Variants in FAM227B observed in about 807,000 individuals in gnomAD.
FAM227B encodes family with sequence similarity 227 member B.
FAM227B carries 88 observed loss-of-function variants against 73.8 expected under a neutral mutation model. That is an observed-to-expected ratio of 1.19 (90% CI 1.00 to 1.42). The LOEUF (loss-of-function observed/expected upper bound fraction) is 1.42, where lower values mean the gene tolerates loss of function less well. FAM227B is among the 40% of genes most tolerant of loss of function. The pLI, the probability that FAM227B is intolerant of heterozygous loss-of-function variation, is 0.00. For missense variants in FAM227B, 632 were observed against 590.9 expected, an observed-to-expected ratio of 1.07 and a Z score of -0.72; for synonymous variants, 210 against 190.5, an observed-to-expected ratio of 1.10 and a Z score of -0.84.
chr15:49,613,183 T>G (rs36106985), intron 2 of FAM227B, among the ~76,000 whole-genome samples: 16,363 of 151,562 alleles, frequency 0.11, 1,241 homozygotes, highest in East Asian at 0.36. Flanking sequence ...AGAGCCAATC[T>G]CCATAAAAAA....
chr15:49,554,163 A>G (rs1362488855), intron 9 of FAM227B, among the ~76,000 whole-genome samples: 1 of 152,004 alleles, frequency 6.6e-6, no homozygotes, highest in Non-Finnish European at 1.5e-5. Flanking sequence ...TTGAGCTGGT[A>G]TCCAAGATGC....
At chr15:49,452,530 T>A (rs2052855666) in intron 11 of FAM227B, among the ~76,000 whole-genome samples, 1 of 152,172 alleles carries the variant, frequency 6.6e-6, no homozygotes, top group Non-Finnish European at 1.5e-5. Flanking sequence ...CATAAAAAGA[T>A]CTATGCAGAT....
rs768555380 is a variant in FAM227B, at chr15:49,367,563, T to A, written c.1156A>T (p.Asn386Tyr). ...TGPEFNRVLF[N>Y]FGGQSPLILY... ...ATCAATGGACTCTGACCTCCAAAATTGAAGAGAACACGATTAAACTCTGGA... is the reference window on the plus strand; with the variant it reads ...ATCAATGGACTCTGACCTCCAAAATAGAAGAGAACACGATTAAACTCTGGA... Residue 386 changes from asparagine to tyrosine, a missense_variant, in exon 13 of 16, where the codon AAT (asparagine) becomes TAT (tyrosine). Coordinates refer to ENST00000299338, the MANE Select transcript of FAM227B (RefSeq NM_152647.3). The A allele has an allele frequency of 1.9e-6, 3 of 1,603,870 alleles. No individual in the cohort carries two copies. Among genetic ancestry groups the A allele is most frequent in the African/African-American group, 1.3e-5 (1 of 74,216 alleles).
intron 10 of FAM227B, among the ~76,000 whole-genome samples, chr15:49,513,073 A>C (rs1804495113): frequency 6.6e-6 from 1 of 152,160 alleles, no homozygotes; most frequent in Non-Finnish European, 1.5e-5. Flanking sequence ...ATACATGTGC[A>C]TGTATCTTTA....
At chr15:49,532,815 A>C (rs1407689743) in intron 10 of FAM227B, among the ~76,000 whole-genome samples, 2 of 152,100 alleles carry the variant, frequency 1.3e-5, no homozygotes, top group African/African-American at 4.8e-5. Context: ...AAGTTAAATA[A>C]GAAGAAAAAA....
In FAM227B at chr15:49,574,419, G is replaced by A. The variant is rs769314552; in HGVS notation, c.645+592C>T. On this transcript the variant is annotated intron_variant, in intron 8 of 15. Transcript: ENST00000299338. ...GAGTGGTTTCCCCCACGATGTTCTC[G>A]TAATAGTCAGTGAGTTCTCATGAGA... Among the ~76,000 whole-genome samples, 8 of 152,196 alleles carry A rather than the reference G, an allele frequency of 5.3e-5. No homozygotes were observed. In the South Asian group the frequency reaches 6.2e-4, roughly 12 times the overall value.
At chr15:49,601,909 G>T (rs913354564) in intron 3 of FAM227B, among the ~76,000 whole-genome samples, 1 of 152,090 alleles carries the variant, frequency 6.6e-6, no homozygotes. Context: ...GTCTTTCTGT[G>T]CCTGGCTTAT....
At chr15:49,467,695 C>T (rs1294793650) in intron 11 of FAM227B, among the ~76,000 whole-genome samples, 1 of 152,112 alleles carries the variant, frequency 6.6e-6, no homozygotes, top group Non-Finnish European at 1.5e-5. Flanking sequence ...AAATAGTCTA[C>T]ATTGTCAGAC....
At chr15:49,362,851 A>G (rs1251263743) in intron 13 of FAM227B, among the ~76,000 whole-genome samples, 1 of 152,046 alleles carries the variant, frequency 6.6e-6, no homozygotes. Context: ...ATAGCTAGCC[A>G]GTTTCCCAGC....
intron 3 of FAM227B, among the ~76,000 whole-genome samples, chr15:49,595,316 A>C (rs1181419185): frequency 6.6e-6 from 1 of 152,072 alleles, no homozygotes; most frequent in Non-Finnish European, 1.5e-5. Flanking sequence ...ACTTTACTGA[A>C]ATCATTTATC....
At chr15:49,473,293 T>A (rs952538388) in intron 11 of FAM227B, among the ~76,000 whole-genome samples, 22 of 152,142 alleles carry the variant, frequency 1.4e-4, no homozygotes, top group African/African-American at 5.3e-4. Context: ...AGTTCATTCA[T>A]TGTCATATGC....
chr15:49,445,897 C>A (rs1275154610), intron 11 of FAM227B, among the ~76,000 whole-genome samples: 4 of 151,416 alleles, frequency 2.6e-5, no homozygotes, highest in Non-Finnish European at 5.9e-5. Context: ...GTTTACTAGA[C>A]AAACATATCT....
chr15:49,343,239 T>C (rs1190687889), intron 13 of FAM227B, among the ~76,000 whole-genome samples: 1 of 152,152 alleles, frequency 6.6e-6, no homozygotes, highest in Non-Finnish European at 1.5e-5. Context: ...CTTTTTTTAA[T>C]TTTTTGTCAG....
At chr15:49,521,317 C>A (rs1361121442) in intron 10 of FAM227B, among the ~76,000 whole-genome samples, 3 of 152,146 alleles carry the variant, frequency 2.0e-5, no homozygotes, top group African/African-American at 7.2e-5. Context: ...GGAAAAGGGG[C>A]AGTGCAGCCC....
In FAM227B at chr15:49,451,034, GT is replaced by G. The variant is rs895408714; in HGVS notation, c.1012+57176del. Among the ~76,000 whole-genome samples, 10 of 151,250 alleles carry G rather than the reference GT, an allele frequency of 6.6e-5. No individual in the cohort carries two copies. The East Asian group carries it at 7.8e-4, about 12-fold the overall frequency. ...TGGGGAAATATATGTCTAAAAACTG[GT>G]TTTTTTTTAAATGACAGTTTAATTC... On this transcript the variant is annotated intron_variant, in intron 11 of 15. Coordinates refer to ENST00000299338, the MANE Select transcript of FAM227B (RefSeq NM_152647.3).
chr15:49,357,791 G>T (rs1210246766), intron 13 of FAM227B, among the ~76,000 whole-genome samples: 5 of 151,944 alleles, frequency 3.3e-5, no homozygotes, highest in Admixed American at 2.6e-4. Context: ...CAAAAAAAGA[G>T]AATTTTAGAC....
chr15:49,609,206 T>C (rs989535245), intron 3 of FAM227B, among the ~76,000 whole-genome samples: 13 of 151,562 alleles, frequency 8.6e-5, no homozygotes, highest in African/African-American at 3.1e-4. Flanking sequence ...AAAATAAAAC[T>C]AGAAATAGAA....
intron 1 of FAM227B, among the ~76,000 whole-genome samples, chr15:49,618,676 T>G (rs748828978): frequency 1.1e-4 from 17 of 152,270 alleles, no homozygotes; most frequent in African/African-American, 3.4e-4. Context: ...GGAGGTGGTG[T>G]TGTTACAAAA....
intron 1 of FAM227B, among the ~76,000 whole-genome samples, chr15:49,619,981 T>G (rs1290283821): frequency 6.6e-6 from 1 of 152,230 alleles, no homozygotes; most frequent in Non-Finnish European, 1.5e-5. Flanking sequence ...TTACATGCGC[T>G]GATATTTCCA....
Sources: allele counts gnomAD v4.1 joint callset (sites outside exome capture counted in the v4.1 genomes callset), GRCh38; gene constraint gnomAD v4.1.1; transcripts MANE v1.5; gene names NCBI Gene and HGNC (gene_info 2026-07-23, HGNC 2026-07-21).